Variants in DNAH17 observed in about 807,000 individuals in gnomAD.
DNAH17 encodes the protein axonemal beta dynein heavy chain 17.
Under a neutral mutation model 485.6 loss-of-function variants are expected in DNAH17, and 376 were observed. The observed-to-expected ratio is 0.77, with a 90% CI of 0.71 to 0.84. The LOEUF is 0.84. Ranked by LOEUF, DNAH17 falls within the 40% of genes least tolerant of loss-of-function variation. The pLI, the probability that DNAH17 is intolerant of heterozygous loss-of-function variation, is 0.00. For synonymous variants in DNAH17, 3,031 were observed against 2,405.9 expected, an observed-to-expected ratio of 1.26 and a Z score of -7.60; for missense variants, 6,370 against 5,839.3, an observed-to-expected ratio of 1.09 and a Z score of -2.96.
At chr17:78,430,383 T>C (rs690752) in intron 75 of DNAH17, among the ~76,000 whole-genome samples, 24,234 of 152,244 alleles carry the variant, frequency 0.16, 2,061 homozygotes, top group Middle Eastern at 0.2. Flanking sequence ...AGCTTCTTCC[T>C]GCTTCCGCAC....
intron 26 of DNAH17, among the ~76,000 whole-genome samples, chr17:78,514,053 T>G (rs1288567831): frequency 1.3e-5 from 2 of 152,120 alleles, no homozygotes; most frequent in African/African-American, 4.8e-5. Flanking sequence ...AAGATTCAGG[T>G]GCTAAGACTC....
intron 14 of DNAH17, among the ~76,000 whole-genome samples, chr17:78,557,361 T>TA (rs2092046912): frequency 1.3e-5 from 2 of 152,138 alleles, no homozygotes; most frequent in Admixed American, 1.3e-4. Context: ...CTTATGCCTG[T>TA]AATCCCAACA....
In DNAH17 at chr17:78,425,407, G is replaced by A. The variant is rs1241240471; in HGVS notation, c.13080C>T (p.Asn4360=). 2.5e-6 allele frequency: 4 copies of A among 1,613,962 alleles called. No homozygotes were observed. The highest frequency in any genetic ancestry group is 3.4e-6 in the Non-Finnish European group (4 of 1,179,884). The change falls in exon 80 of 81, where the codon AAC becomes AAT. Residue 4360 remains asparagine (N), a synonymous_variant. Transcript: ENST00000389840. The stretch of plus-strand genomic sequence containing the variant: ...GCGGAGGAGCGGTCATGTCCTCTCG[G>A]TTTTTCTTGGTCACCTCGACAGACA... ...MCLSVEVTKK[N]REDMTAPPRE...
At chr17:78,429,407 T>C in intron 75 of DNAH17, 107 bp from the exon 76 acceptor site, 2 of 1,254,914 alleles carry the variant, frequency 1.6e-6, no homozygotes, top group Non-Finnish European at 2.2e-6. Context: ...CCATTGGTGC[T>C]GTGTCCTTCT....
chr17:78,428,541 ACT>A lies in DNAH17; in HGVS notation c.12570_12571del (p.Ser4192ProfsTer24). ...AGATCCTGCCTTCTCCTCGCGGGACACTCCCGTGCCTGCCCCCGAGTCCGTCT... is the reference window on the plus strand; with the variant it reads ...AGATCCTGCCTTCTCCTCGCGGGACACCCGTGCCTGCCCCCGAGTCCGTCT... On this transcript the variant is annotated frameshift_variant, in exon 77 of 81. Transcript: ENST00000389840. LOFTEE classifies it high-confidence loss of function. The A allele has an allele frequency of 6.2e-7, 1 of 1,608,478 alleles. No individual in the cohort carries two copies. The highest frequency in any genetic ancestry group is 8.5e-7 in the Non-Finnish European group (1 of 1,177,782).
chr17:78,456,747 T>C (rs369742378), intron 62 of DNAH17, among the ~76,000 whole-genome samples: 61 of 152,340 alleles, frequency 4.0e-4, no homozygotes, highest in African/African-American at 1.4e-3. Flanking sequence ...GAGCAGCCCT[T>C]ACTTCCCAGT....
chr17:78,534,318 C>T (rs988408608), intron 19 of DNAH17, among the ~76,000 whole-genome samples: 6 of 152,116 alleles, frequency 3.9e-5, no homozygotes, highest in East Asian at 1.9e-4. Context: ...AGGGGTGGCA[C>T]GAGGAAACGG....
At chr17:78,460,748 C>T (rs993815242) in intron 58 of DNAH17, among the ~76,000 whole-genome samples, 2 of 152,176 alleles carry the variant, frequency 1.3e-5, no homozygotes, top group African/African-American at 4.8e-5. Flanking sequence ...ATCCGGGGGC[C>T]ACTGAGACCG....
chr17:78,473,107 G>C (rs528924042), intron 54 of DNAH17, among the ~76,000 whole-genome samples: 3 of 152,246 alleles, frequency 2.0e-5, no homozygotes, highest in Non-Finnish European at 2.9e-5. Flanking sequence ...ACCCCCATAG[G>C]GGTGAGCCTA....
intron 51 of DNAH17, among the ~76,000 whole-genome samples, chr17:78,478,278 C>A: frequency 2.7e-5 from 4 of 148,060 alleles, no homozygotes; most frequent in Admixed American, 6.8e-5. Flanking sequence ...CCACCACCAT[C>A]ACCATTATCA....
In DNAH17 at chr17:78,445,575, C is replaced by G. The variant is rs371899842; in HGVS notation, c.11317G>C (p.Gly3773Arg). 6.4e-6 allele frequency: 10 copies of G among 1,562,310 alleles called. No individual in the cohort carries two copies. The highest frequency in any genetic ancestry group is 7.8e-6 in the Non-Finnish European group (9 of 1,152,850). The change falls in exon 70 of 81, where the codon GGC (glycine) becomes CGC (arginine). Residue 3773 changes from glycine to arginine, a missense_variant. By Grantham distance (125) the Gly-to-Arg change is moderately radical. Transcript: ENST00000389840. ...VSPVDFLQHQ[G>R]WGGIKALSEM... ...AGACGAACCTTGATCCCGCCCCAGC[C>G]TTGATGCTGGAGGAAGTCCACTGGT... is the stretch of plus-strand genomic sequence containing the variant.
intron 3 of DNAH17, among the ~76,000 whole-genome samples, chr17:78,571,993 G>A (rs1024113917): frequency 3.1e-4 from 47 of 152,180 alleles, no homozygotes; most frequent in Admixed American, 1.6e-3. Flanking sequence ...AATAATGGGC[G>A]TGGTCAGAGA....
rs2089482600 is a variant in DNAH17, at chr17:78,484,221, T to C, written c.7649+647A>G. On this transcript the variant is annotated intron_variant, in intron 48 of 80. Transcript: ENST00000389840. ...CCGTTAGGAGAAAATCTGCACTCTG[T>C]CCCGAGGCCCTGGGATTCTGGCTGC... Among the ~76,000 whole-genome samples, 5 of 150,112 alleles carry C rather than the reference T, an allele frequency of 3.3e-5. No individual in the cohort carries two copies. The South Asian group carries it at 1.1e-3, about 33-fold the overall frequency.
At chr17:78,438,536 C>T (rs760691878) in intron 73 of DNAH17, among the ~76,000 whole-genome samples, 2 of 141,412 alleles carry the variant, frequency 1.4e-5, no homozygotes, top group Non-Finnish European at 3.0e-5. Context: ...CTCACTCTGT[C>T]GCCCGGGCTG....
chr17:78,433,056 G>T (rs691346), intron 75 of DNAH17, among the ~76,000 whole-genome samples: 21,161 of 152,140 alleles, frequency 0.14, 1,629 homozygotes, highest in Middle Eastern at 0.2. Context: ...CTGTAAGAGG[G>T]TGCCCGGACC....
chr17:78,574,860 C>A lies in DNAH17; in HGVS notation c.198G>T (p.Leu66=). 1.2e-6 allele frequency: 2 copies of A among 1,614,020 alleles called. No homozygotes were observed. The highest frequency in any genetic ancestry group is 1.7e-6 in the Non-Finnish European group (2 of 1,179,896). Residue 66 remains leucine (L), a synonymous_variant, in exon 2 of 81, where the codon CTG becomes CTT. Coordinates refer to ENST00000389840, the MANE Select transcript of DNAH17 (RefSeq NM_173628.4). Reference sequence around the variant, plus strand: ...TGGACTTGAGGGACTGGGGGAAGCCCAGGCAGGGTATGATCATGCCGGCTG... The same window carrying A: ...TGGACTTGAGGGACTGGGGGAAGCCAAGGCAGGGTATGATCATGCCGGCTG... The part of the protein sequence containing the change: ...LNAAGMIIPC[L]GFPQSLKSKG...
At chr17:78,478,275 C>T (rs1247587952) in intron 51 of DNAH17, among the ~76,000 whole-genome samples, 14 of 148,174 alleles carry the variant, frequency 9.4e-5, no homozygotes, top group East Asian at 4.1e-4. Context: ...TCTCCACCAC[C>T]ATCACCATTA....
chr17:78,449,336 C>A, intron 69 of DNAH17, 78 bp downstream of exon 69: 1 of 1,443,078 alleles, frequency 6.9e-7, no homozygotes, highest in Non-Finnish European at 9.4e-7. Context: ...CAACAATCTG[C>A]CTTTCCACAA....
chr17:78,443,791 C>T (rs1290383434), intron 71 of DNAH17, among the ~76,000 whole-genome samples: 2 of 152,144 alleles, frequency 1.3e-5, no homozygotes, highest in Non-Finnish European at 2.9e-5. Flanking sequence ...CTCAAGTGAT[C>T]CTCCCCAAAG....
Sources: gnomAD v4.1 joint callset for allele counts (sites outside exome capture counted in the v4.1 genomes callset) on GRCh38, gnomAD v4.1.1 for gene constraint, MANE v1.5 for transcripts, NCBI Gene and HGNC (gene_info 2026-07-23, HGNC 2026-07-21) for gene names.